The following CASP6 variants were observed in gnomAD, a reference collection of about 807,000 sequenced individuals.
The protein encoded by CASP6 is caspase 6, also known as caspase-6.
In CASP6, 20 loss-of-function variants were observed where a neutral mutation model predicts 31.8. The observed-to-expected ratio is 0.63, with a 90% CI of 0.44 to 0.91. CASP6 has a LOEUF of 0.91. Ranked by LOEUF, CASP6 falls within the 40% of genes least tolerant of loss-of-function variation. The probability of loss-of-function intolerance (pLI) is 0.00; values close to 1 mark genes in which losing one functional copy is unlikely to be tolerated. For missense variants in CASP6, 328 were observed against 361.1 expected (o/e 0.91, Z 0.74); for synonymous variants, 130 against 127.8 (o/e 1.02, Z -0.12).
At chr4:109,674,489 A>G in the CASP6 span, among the ~76,000 whole-genome samples, 4 of 152,250 alleles carry the variant, frequency 2.6e-5, no homozygotes, top group African/African-American at 4.8e-5. Context: ...TGGATGTTGT[A>G]TAAGAGTCCT....
the CASP6 span, among the ~76,000 whole-genome samples, chr4:109,678,379 C>T: frequency 5.3e-5 from 8 of 150,374 alleles, 1 homozygote; most frequent in Middle Eastern, 3.5e-3. Flanking sequence ...CGGGCAGAGG[C>T]GCTCCTCACT....
chr4:109,702,231 T>C (rs1730441884), intron 1 of CASP6, among the ~76,000 whole-genome samples: 1 of 152,224 alleles, frequency 6.6e-6, no homozygotes, highest in Non-Finnish European at 1.5e-5. Context: ...CCATGTGACT[T>C]TTACAGCTTG....
chr4:109,705,330 T>A (rs1191298448), upstream of CASP6, among the ~76,000 whole-genome samples: 2 of 152,232 alleles, frequency 1.3e-5, no homozygotes, highest in Non-Finnish European at 2.9e-5. Context: ...GAAGAAAGGT[T>A]CCTTTCAAAA....
chr4:109,698,847 T>G (rs895440787), intron 1 of CASP6, among the ~76,000 whole-genome samples: 1 of 152,234 alleles, frequency 6.6e-6, no homozygotes, highest in Non-Finnish European at 1.5e-5. Context: ...TTGGATCTCC[T>G]GCATGACACA....
chr4:109,682,861 C>CA, the CASP6 span: 1 of 708,422 alleles, frequency 1.4e-6, no homozygotes, highest in Non-Finnish European at 2.3e-6. Context: ...TTACGCCTCA[C>CA]AAAAAACCTG....
downstream of CASP6, chr4:109,688,572 CATCT>C (rs1005123979): frequency 6.6e-5 from 10 of 152,050 alleles, no homozygotes; most frequent in African/African-American, 1.2e-4. Flanking sequence ...GAGTAAAAAA[CATCT>C]ATCAATTACA....
the CASP6 span, chr4:109,682,973 C>A: frequency 5.0e-6 from 2 of 403,942 alleles, no homozygotes; most frequent in Non-Finnish European, 8.9e-6. Flanking sequence ...GCTCACGTGG[C>A]CTGTGTTCAG....
chr4:109,670,630 C>T, the CASP6 span, among the ~76,000 whole-genome samples: 32 of 151,810 alleles, frequency 2.1e-4, no homozygotes, highest in East Asian at 3.1e-3. Flanking sequence ...GCAGGAGAAT[C>T]GCTTGAACCC....
chr4:109,675,163 A>T, the CASP6 span, among the ~76,000 whole-genome samples: 1 of 152,246 alleles, frequency 6.6e-6, no homozygotes, highest in Non-Finnish European at 1.5e-5. Flanking sequence ...TGCCACAGAC[A>T]AATGTTATGA....
intron 2 of CASP6, among the ~76,000 whole-genome samples, 153 bp downstream of exon 2, chr4:109,698,147 C>T (rs1328333048): frequency 1.3e-5 from 2 of 152,164 alleles, no homozygotes; most frequent in East Asian, 3.9e-4. Context: ...GGCAGCACAA[C>T]CTGCCTATCT....
At chr4:109,669,131 T>G in the CASP6 span, among the ~76,000 whole-genome samples, 1 of 152,180 alleles carries the variant, frequency 6.6e-6, no homozygotes, top group Non-Finnish European at 1.5e-5. Context: ...TTCTCTTTCT[T>G]TCTGTAGAGC....
chr4:109,694,815 G>A (rs1730187071), intron 4 of CASP6, 115 bp from the exon 5 acceptor site: 2 of 1,044,524 alleles, frequency 1.9e-6, no homozygotes, highest in South Asian at 2.3e-5. Flanking sequence ...TTGGGGAGGA[G>A]GAAAATTTGT....
intron 1 of CASP6, among the ~76,000 whole-genome samples, chr4:109,701,030 C>A (rs1053703130): frequency 6.6e-6 from 1 of 152,156 alleles, no homozygotes; most frequent in African/African-American, 2.4e-5. Flanking sequence ...GTGGTCTCGG[C>A]TCACCACAAC....
the CASP6 span, chr4:109,682,789 T>C: frequency 7.0e-7 from 1 of 1,420,732 alleles, no homozygotes. Flanking sequence ...ATACCTAGTG[T>C]TTATTGAGTG....
the CASP6 span, chr4:109,674,095 C>T: frequency 1.1e-5 from 16 of 1,463,840 alleles, no homozygotes; most frequent in African/African-American, 7.0e-5. Context: ...TTCCATGTAT[C>T]GGGAATTCTG....
In CASP6 at chr4:109,703,346, C is replaced by T; in HGVS notation, c.40+10G>A. On this transcript the variant is annotated intron_variant, in intron 1 of 6. Coordinates refer to ENST00000265164, the MANE Select transcript of CASP6 (RefSeq NM_001226.4). Reference sequence around the variant, plus strand: ...ACCTGCTCGGTGCCCAGTCGACGCCCCCTGCCTACCTGCCGGGTGCCCCCT... The same window carrying T: ...ACCTGCTCGGTGCCCAGTCGACGCCTCCTGCCTACCTGCCGGGTGCCCCCT... The T allele has an allele frequency of 6.2e-7, 1 of 1,608,188 alleles. No homozygotes were observed. The highest frequency in any genetic ancestry group is 1.3e-5 in the African/African-American group (1 of 74,972).
At chr4:109,682,660 T>C in the CASP6 span, 1 of 1,612,846 alleles carries the variant, frequency 6.2e-7, no homozygotes, top group South Asian at 1.1e-5. Flanking sequence ...ATCTTGCATT[T>C]AGAAGAGTCT....
At chr4:109,695,057 T>TG (rs1330836966) in intron 4 of CASP6, among the ~76,000 whole-genome samples, 17 of 152,276 alleles carry the variant, frequency 1.1e-4, no homozygotes, top group Admixed American at 6.5e-4. Flanking sequence ...CTCGAACTCC[T>TG]GACCTCAGGT....
chr4:109,687,017 A>ATT (rs200539952), downstream of CASP6, among the ~76,000 whole-genome samples: 1 of 150,950 alleles, frequency 6.6e-6, no homozygotes, highest in Non-Finnish European at 1.5e-5. Context: ...TATAAACTGT[A>ATT]TTTTTTTTTA....
Sources: gnomAD v4.1 joint callset for allele counts (sites outside exome capture counted in the v4.1 genomes callset) on GRCh38, gnomAD v4.1.1 for gene constraint, MANE v1.5 for transcripts, NCBI Gene and HGNC (gene_info 2026-07-23, HGNC 2026-07-21) for gene names.